The following DBF4B variants were observed in gnomAD, a reference collection of about 807,000 sequenced individuals.
DBF4B encodes the protein protein DBF4 homolog B.
DBF4B carries 49 observed loss-of-function variants against 53.4 expected under a neutral mutation model. The ratio of observed to expected loss-of-function variants is 0.92; its 90% confidence interval spans 0.73 to 1.16. The LOEUF (loss-of-function observed/expected upper bound fraction) is 1.16. Among genes scored for constraint, DBF4B ranks in the 50% most tolerant of loss-of-function variants. The pLI is 0.00. For synonymous variants in DBF4B, 257 were observed against 288.7 expected (o/e 0.89, Z 1.11); for missense variants, 692 against 775.0 (o/e 0.89, Z 1.27).
At chr17:44,747,238 G>A in intron 11 of DBF4B, 47 bp downstream of exon 11, 1 of 1,607,142 alleles carries the variant, frequency 6.2e-7, no homozygotes, top group Non-Finnish European at 8.5e-7. Context: ...TGCCCTGAGG[G>A]AGCCTGCTCA....
At chr17:44,740,043 G>A (rs1184414891) in intron 9 of DBF4B, among the ~76,000 whole-genome samples, 1 of 152,128 alleles carries the variant, frequency 6.6e-6, no homozygotes, top group Admixed American at 6.5e-5. Context: ...ATTACAGGTG[G>A]GAGCCACAGT....
chr17:44,722,849 TCTTA>T, intron 2 of DBF4B, 27 bp from the exon 3 acceptor site: 1 of 1,611,578 alleles, frequency 6.2e-7, no homozygotes, highest in Non-Finnish European at 8.5e-7. Context: ...TTTTCAAACT[TCTTA>T]CTTTGCTCCT....
At chr17:44,724,562 G>A (rs1395128491) in intron 3 of DBF4B, among the ~76,000 whole-genome samples, 1 of 152,098 alleles carries the variant, frequency 6.6e-6, no homozygotes, top group African/African-American at 2.4e-5. Flanking sequence ...TGTATTTTTA[G>A]TAGAGACGAG....
At position 44,747,091 on chromosome 17, in the gene DBF4B, A is replaced by T; in HGVS notation, c.839A>T (p.Lys280Met). 6.2e-7 allele frequency: 1 copy of T among 1,614,038 alleles called. No homozygotes were observed. Among genetic ancestry groups the T allele is most frequent in the Non-Finnish European group, 8.5e-7 (1 of 1,179,996 alleles). Residue 280 changes from lysine (K) to methionine (M), a missense_variant, in exon 11 of 14, where the codon AAG becomes ATG. Lys to Met is a moderately conservative substitution (Grantham distance 95). Coordinates refer to ENST00000315005, the MANE Select transcript of DBF4B (RefSeq NM_145663.3). ...CTATGTACCCTCCCCAGAGAATCCA[A>T]GGATGGAGAGCCAAGCCCACGATCA... ...LGSMHHTRES[K>M]DGEPSPRSAA...
intron 2 of DBF4B, among the ~76,000 whole-genome samples, chr17:44,712,876 A>G (rs1973002783): frequency 6.6e-6 from 1 of 151,694 alleles, no homozygotes. Flanking sequence ...TGCCCAGTCA[A>G]TTTTGAATTA....
Position 44,751,523 on chromosome 17 carries a change from ACCTCGCCAACC to A in DBF4B, c.*271_*281del. ...CTGTCTGTCCCTGGCCCTCCAGCCC[ACCTCGCCAACC>A]ACTCTTGTTGGTTTCCTTCTCAGAC... is the stretch of plus-strand genomic sequence containing the variant. On this transcript the variant is annotated 3_prime_UTR_variant, in exon 14 of 14. Coordinates refer to ENST00000315005, the MANE Select transcript of DBF4B (RefSeq NM_145663.3). 7.6e-7 allele frequency: 1 copy of A among 1,308,838 alleles called. No homozygotes were observed. The highest frequency in any genetic ancestry group is 9.7e-7 in the Non-Finnish European group (1 of 1,032,028). The allele number at this position is 1,308,838 out of a possible 1,614,324, so 81.1% of individuals were successfully genotyped here.
chr17:44,751,522 C>CTAACTACTTT lies in DBF4B; in HGVS notation c.*269_*270insTAACTACTTT. 1.5e-6 allele frequency: 2 copies of CTAACTACTTT among 1,375,746 alleles called. No individual in the cohort carries two copies. The highest frequency in any genetic ancestry group is 3.3e-5 in the Admixed American group (1 of 30,740). The allele number at this position is 1,375,746 out of a possible 1,614,324, so 85.2% of individuals were successfully genotyped here. Reference sequence around the variant, plus strand: ...ACTGTCTGTCCCTGGCCCTCCAGCCCACCTCGCCAACCACTCTTGTTGGTT... The same window carrying CTAACTACTTT: ...ACTGTCTGTCCCTGGCCCTCCAGCCCTAACTACTTTACCTCGCCAACCACTCTTGTTGGTT... On this transcript the variant is annotated 3_prime_UTR_variant, in exon 14 of 14. Coordinates refer to ENST00000315005, the MANE Select transcript of DBF4B (RefSeq NM_145663.3).
chr17:44,727,918 A>G (rs935674519), intron 3 of DBF4B, among the ~76,000 whole-genome samples: 4 of 134,726 alleles, frequency 3.0e-5, no homozygotes, highest in Non-Finnish European at 4.6e-5. Context: ...AAGTTTCACC[A>G]TGTTGGCCAG....
chr17:44,717,065 A>T lies in DBF4B; in HGVS notation c.83-5815A>T, dbSNP rs370336745. On this transcript the variant is annotated intron_variant, in intron 2 of 13. Transcript: ENST00000315005. ...GTTCTTGTATTCATCTTCCACATTT[A>T]TGCAGAAGCCTGGATCATTATTTCT... 2.7e-4 allele frequency among the ~76,000 whole-genome samples: 41 copies of T among 152,262 alleles called. No homozygotes were observed. The East Asian group carries it at 6.9e-3, about 26-fold the overall frequency.
chr17:44,727,110 A>G (rs1456805583), intron 3 of DBF4B, among the ~76,000 whole-genome samples: 2 of 149,274 alleles, frequency 1.3e-5, no homozygotes, highest in East Asian at 3.9e-4. Flanking sequence ...AAAAAAAAAA[A>G]AAAAAAAAAA....
chr17:44,720,012 A>G, intron 2 of DBF4B: 1 of 227,164 alleles, frequency 4.4e-6, no homozygotes. Context: ...CATTGCTGCT[A>G]CCAATTTTGG....
rs773204316 is a variant in DBF4B, at chr17:44,730,039, G to T, written c.360G>T (p.Ser120=). Residue 120 remains serine (S), a synonymous_variant, in exon 4 of 14, where the codon TCG becomes TCT. Coordinates refer to ENST00000315005, the MANE Select transcript of DBF4B (RefSeq NM_145663.3). The stretch of plus-strand genomic sequence containing the variant: ...CCAGTGAGGTCAGAGTGGAAACATC[G>T]GCCATGGTTGATCCAAAAGGCAGCC... ...PSPSEVRVET[S]AMVDPKGSHP... The T allele has an allele frequency of 3.1e-6, 5 of 1,613,200 alleles. No homozygotes were observed. Among genetic ancestry groups the T allele is most frequent in the Non-Finnish European group, 8.5e-7 (1 of 1,180,008 alleles).
chr17:44,716,103 C>G (rs954998259), intron 2 of DBF4B, among the ~76,000 whole-genome samples: 2 of 151,778 alleles, frequency 1.3e-5, no homozygotes, highest in African/African-American at 2.4e-5. Flanking sequence ...GGATTACAAA[C>G]GTGAGCCACC....
intron 9 of DBF4B, among the ~76,000 whole-genome samples, chr17:44,741,027 C>T (rs9894486): frequency 0.4 from 61,183 of 151,682 alleles, 13,736 homozygotes; most frequent in East Asian, 0.72. Flanking sequence ...CCCAGCTACT[C>T]GGGAGGCTGA....
chr17:44,745,268 G>A (rs1976488265), intron 10 of DBF4B, among the ~76,000 whole-genome samples: 1 of 151,982 alleles, frequency 6.6e-6, no homozygotes, highest in African/African-American at 2.4e-5. Flanking sequence ...TTTTTCCTAA[G>A]CCTCCCTGAG....
At chr17:44,718,653 G>A (rs966415064) in intron 2 of DBF4B, among the ~76,000 whole-genome samples, 3 of 152,048 alleles carry the variant, frequency 2.0e-5, no homozygotes, top group Admixed American at 2.0e-4. Context: ...ACATGATGAA[G>A]ATAAGATAAA....
In DBF4B at chr17:44,729,972, A is replaced by G. The variant is rs1974694054; in HGVS notation, c.293A>G (p.Glu98Gly). 2 of 1,613,976 alleles carry G rather than the reference A, an allele frequency of 1.2e-6. No individual in the cohort carries two copies. The highest frequency in any genetic ancestry group is 1.7e-5 in the Admixed American group (1 of 60,004). ...TCCAGCCGCAGAGAAGTAAAGGCAG[A>G]GAGCAGTGGGAAAAGCCATAGAGGC... ...IVSSRREVKAESSGKSHRGCP... is the reference protein window; with the variant it reads ...IVSSRREVKAGSSGKSHRGCP... The change falls in exon 4 of 14, where the codon GAG (glutamate) becomes GGG (glycine). Residue 98 changes from glutamate to glycine, a missense_variant. Transcript: ENST00000315005.
At chr17:44,720,635 G>A (rs548691627) in intron 2 of DBF4B, 2 of 154,448 alleles carry the variant, frequency 1.3e-5, no homozygotes, top group East Asian at 3.8e-4. Flanking sequence ...TTGGCTATAT[G>A]ATTAATATTG....
chr17:44,749,451 T>C lies in DBF4B; in HGVS notation c.1189+986T>C. The C allele has an allele frequency of 1.6e-6, 2 of 1,289,000 alleles. No homozygotes were observed. Among genetic ancestry groups the C allele is most frequent in the Non-Finnish European group, 2.0e-6 (2 of 988,652 alleles). 79.8% of individuals were successfully genotyped at this position (1,289,000 alleles called of 1,614,324 possible). A position where few individuals can be genotyped will look rare whatever the true frequency, so the allele number is the denominator to read the frequency against. On this transcript the variant is annotated intron_variant, in intron 13 of 13. Coordinates refer to ENST00000315005, the MANE Select transcript of DBF4B (RefSeq NM_145663.3). This position sits in a 1 kb window ranked among gnomAD's most constrained non-coding sequence, Gnocchi z 4.4. ...GCAGGAGGGGCAGAACCCCAGGACT[T>C]CCCCAAAAGAGCTAGAAGGAGGCCC...
Sources: gnomAD v4.1 joint callset for allele counts (sites outside exome capture counted in the v4.1 genomes callset) on GRCh38, gnomAD v4.1.1 for gene constraint, Gnocchi (gnomAD v3.1) non-coding constraint, MANE v1.5 for transcripts, NCBI Gene and HGNC (gene_info 2026-07-23, HGNC 2026-07-21) for gene names.